The following PBX3 variants were observed in gnomAD, a reference collection of about 807,000 sequenced individuals.
PBX3 encodes the protein PBX homeobox 3.
A neutral mutation model predicts 48.5 loss-of-function variants in PBX3; 14 were observed. The observed-to-expected ratio is 0.29, with a 90% confidence interval of 0.19 to 0.45. PBX3 has a LOEUF of 0.45. Among genes scored for constraint, PBX3 ranks in the 20% least tolerant of loss-of-function variants. The pLI is 1.00. For synonymous variants in PBX3, 210 were observed against 200.3 expected (o/e 1.05, Z -0.41); for missense variants, 386 against 546.7 (o/e 0.71, Z 2.93).
intron 2 of PBX3, among the ~76,000 whole-genome samples, chr9:125,906,439 A>G (rs1203639637): frequency 1.3e-5 from 2 of 152,036 alleles, no homozygotes; most frequent in African/African-American, 2.4e-5. Context: ...GCTATTCATA[A>G]TGAAGTCAAG....
intron 5 of PBX3, among the ~76,000 whole-genome samples, chr9:125,938,966 T>G: frequency 6.6e-6 from 1 of 151,120 alleles, no homozygotes; most frequent in East Asian, 2.0e-4. Context: ...AAAAAAAATG[T>G]GTGTTTGCAT....
chr9:125,908,706 C>T (rs1841133953), intron 2 of PBX3, among the ~76,000 whole-genome samples: 1 of 151,982 alleles, frequency 6.6e-6, no homozygotes, highest in African/African-American at 2.4e-5. Context: ...TAATTCTTTC[C>T]CCCGACTTAG....
intron 2 of PBX3, among the ~76,000 whole-genome samples, chr9:125,802,968 C>T (rs57253554): frequency 0.031 from 4,652 of 149,202 alleles, 218 homozygotes; most frequent in African/African-American, 0.095. Flanking sequence ...CGTGAGCCAC[C>T]GTGCCTGGCT....
rs530604329 is a variant in PBX3 at position 125,803,835 on chromosome 9, G to A, written c.274+55212G>A. On this transcript the variant is annotated intron_variant, in intron 2 of 8. Transcript: ENST00000373489. ...AATATAACTGATGAGTAAAGTTAAT[G>A]ACCTTAGAGTGTAGTCTTATGAACT... is the stretch of plus-strand genomic sequence containing the variant. 2.0e-5 allele frequency among the ~76,000 whole-genome samples: 3 copies of A among 152,302 alleles called. No individual in the cohort carries two copies. The South Asian group carries it at 6.2e-4, about 32-fold the overall frequency.
chr9:125,850,273 G>C (rs1210343232), intron 2 of PBX3, among the ~76,000 whole-genome samples: 2 of 151,956 alleles, frequency 1.3e-5, no homozygotes, highest in African/African-American at 4.8e-5. Context: ...TGAATGATGG[G>C]AGGTTTGGCA....
In PBX3 at chr9:125,960,863, G is replaced by A; in HGVS notation, c.1009+14G>A. On this transcript the variant is annotated intron_variant, in intron 6 of 8. Coordinates refer to ENST00000373489, the MANE Select transcript of PBX3 (RefSeq NM_006195.6). ...CACCAAATTCCGGTGCGTACTGGGG[G>A]CTCGCTCCCCAACTGGCCCAGGCAG... 9.3e-6 allele frequency: 15 copies of A among 1,608,708 alleles called. No homozygotes were observed. The highest frequency in any genetic ancestry group is 1.3e-5 in the Non-Finnish European group (15 of 1,176,252).
chr9:125,769,324 A>C (rs1486009991), intron 2 of PBX3, among the ~76,000 whole-genome samples: 2 of 152,250 alleles, frequency 1.3e-5, no homozygotes, highest in African/African-American at 4.8e-5. Flanking sequence ...ATATCTTATT[A>C]CTGTGAAAAT....
intron 3 of PBX3, among the ~76,000 whole-genome samples, chr9:125,916,137 A>G (rs2132469427): frequency 6.6e-6 from 1 of 152,272 alleles, no homozygotes; most frequent in Non-Finnish European, 1.5e-5. Flanking sequence ...ATTTTATCCC[A>G]TCTACTTGTT....
intron 2 of PBX3, among the ~76,000 whole-genome samples, chr9:125,835,241 A>G (rs982851926): frequency 9.2e-5 from 14 of 152,062 alleles, no homozygotes; most frequent in African/African-American, 3.1e-4. Flanking sequence ...TTTTCACAAG[A>G]ATGTTTGAAA....
At chr9:125,779,901 C>T (rs1257520413) in intron 2 of PBX3, among the ~76,000 whole-genome samples, 1 of 131,546 alleles carries the variant, frequency 7.6e-6, no homozygotes. Flanking sequence ...GACCCCCCCA[C>T]CTCCCTCCCG....
intron 5 of PBX3, among the ~76,000 whole-genome samples, chr9:125,950,687 G>T (rs1842176997): frequency 6.6e-6 from 1 of 152,012 alleles, no homozygotes; most frequent in African/African-American, 2.4e-5. Flanking sequence ...TCACCATGTT[G>T]GCCAGGCTGG....
chr9:125,903,918 G>C (rs2132431520), intron 2 of PBX3, among the ~76,000 whole-genome samples: 1 of 151,866 alleles, frequency 6.6e-6, no homozygotes, highest in East Asian at 1.9e-4. Context: ...ATGAGCAATG[G>C]ATCTAACTGT....
At chr9:125,823,272 A>C (rs971512248) in intron 2 of PBX3, among the ~76,000 whole-genome samples, 9 of 152,236 alleles carry the variant, frequency 5.9e-5, no homozygotes, top group Admixed American at 1.3e-4. Context: ...AAAAATAAGC[A>C]TCACAAATAA....
intron 2 of PBX3, among the ~76,000 whole-genome samples, chr9:125,848,554 A>G (rs756865760): frequency 2.0e-5 from 3 of 152,000 alleles, no homozygotes; most frequent in Non-Finnish European, 4.4e-5. Context: ...TAAAGGTAAC[A>G]TTGTTATGGT....
intron 2 of PBX3, among the ~76,000 whole-genome samples, chr9:125,914,156 TATC>T (rs1841270399): frequency 6.6e-6 from 1 of 152,196 alleles, no homozygotes; most frequent in Non-Finnish European, 1.5e-5. Flanking sequence ...TATTTTTAAT[TATC>T]AGCAGTGTGT....
intron 2 of PBX3, among the ~76,000 whole-genome samples, chr9:125,767,462 T>C (rs1402440801): frequency 6.6e-6 from 1 of 152,212 alleles, no homozygotes; most frequent in Non-Finnish European, 1.5e-5. Context: ...TTAATATCTG[T>C]TCATACCACC....
rs201816904 is a variant in PBX3, at chr9:125,899,317, ATTTT to A, written c.275-16367_275-16364del. ...TATATAAATATACATATATGTATAT[ATTTT>A]TATATAAATATATACATATATGTAT... On this transcript the variant is annotated intron_variant, in intron 2 of 8. Transcript: ENST00000373489. Among the ~76,000 whole-genome samples, 22 of 109,082 alleles carry A rather than the reference ATTTT, an allele frequency of 2.0e-4. 1 individual carries two copies. The South Asian group carries it at 2.7e-3, about 13-fold the overall frequency. The allele number at this position is 109,082 out of a possible 152,430, so 71.6% of individuals were successfully genotyped here.
chr9:125,809,331 T>G (rs892867516), intron 2 of PBX3, among the ~76,000 whole-genome samples: 1 of 152,164 alleles, frequency 6.6e-6, no homozygotes, highest in Non-Finnish European at 1.5e-5. Flanking sequence ...GTGACTTTAT[T>G]TTATTCTTGG....
intron 2 of PBX3, among the ~76,000 whole-genome samples, chr9:125,807,509 C>G (rs1838162513): frequency 6.6e-6 from 1 of 152,090 alleles, no homozygotes; most frequent in African/African-American, 2.4e-5. Flanking sequence ...TGATTTGATT[C>G]TCAACCCTTA....
Sources: allele counts gnomAD v4.1 joint callset (sites outside exome capture counted in the v4.1 genomes callset), GRCh38; gene constraint gnomAD v4.1.1; transcripts MANE v1.5; gene names NCBI Gene and HGNC (gene_info 2026-07-23, HGNC 2026-07-21).